LHX9: variants seen among roughly 807,000 people sequenced by gnomAD.
LHX9 encodes the protein LIM homeobox 9.
A neutral mutation model predicts 36.5 loss-of-function variants in LHX9; 9 were observed. That is an observed-to-expected ratio of 0.25 (90% CI 0.15 to 0.43). LHX9 has a LOEUF of 0.43. LHX9 is among the 20% of genes least tolerant of loss of function. The pLI, the probability that LHX9 is intolerant of heterozygous loss-of-function variation, is 1.00. For synonymous variants in LHX9, 211 were observed against 212.1 expected, an observed-to-expected ratio of 0.99 and a Z score of 0.04; for missense variants, 464 against 526.4, an observed-to-expected ratio of 0.88 and a Z score of 1.16.
Position 197,929,061 on chromosome 1 carries a change from G to T in LHX9, c.996G>T (p.Gly332=), listed in dbSNP as rs756773350. 3 of 1,613,586 alleles carry T rather than the reference G, an allele frequency of 1.9e-6. No homozygotes were observed. In the Admixed American group the frequency reaches 5.0e-5, roughly 27 times the overall value. Residue 332 remains glycine, a synonymous_variant, in exon 5 of 5, where the codon GGG becomes GGT. Transcript: ENST00000367387. ...GGAACCTTTTGCGGCAGGAGAATGG[G>T]GGTGTTGATAAAGCTGACGGCACGT... The part of the protein sequence containing the change: ...FRRNLLRQEN[G]GVDKADGTSL...
At chr1:197,916,832 C>T, upstream of LHX9, 1 of 701,024 alleles carries the variant, frequency 1.4e-6, no homozygotes, top group Non-Finnish European at 2.6e-6. Context: ...GAGGAACCAG[C>T]ATTATCTCCA....
rs1453412818 is a variant in LHX9 at position 197,931,222 on chromosome 1, G to A, written c.*1963G>A. ...TTATTTCTGAAACTCTTTTTATGGT[G>A]TATCCTGTTAGAGGGGACAAACATG... On this transcript the variant is annotated 3_prime_UTR_variant, in exon 5 of 5. Coordinates refer to ENST00000367387, the MANE Select transcript of LHX9 (RefSeq NM_020204.3). 1 of 151,910 alleles carries A rather than the reference G, an allele frequency of 6.6e-6. No homozygotes were observed. The highest frequency in any genetic ancestry group is 1.9e-4 in the East Asian group (1 of 5,194). The allele number at this position is 151,910 out of a possible 1,614,324, so 9.4% of individuals were successfully genotyped here.
At position 197,917,632 on chromosome 1, in the gene LHX9, C is replaced by A. The variant is rs930426644; in HGVS notation, c.-192C>A. On this transcript the variant is annotated 5_prime_UTR_variant, in exon 1 of 5. Coordinates refer to ENST00000367387, the MANE Select transcript of LHX9 (RefSeq NM_020204.3). Reference sequence around the variant, plus strand: ...TTCAGGGAGCCGCTGAGGCTTCCCCCCAACTCTTCCCAGTTCTTTTTGCTT... The same window carrying A: ...TTCAGGGAGCCGCTGAGGCTTCCCCACAACTCTTCCCAGTTCTTTTTGCTT... The A allele has an allele frequency of 5.3e-6, 8 of 1,509,654 alleles. No homozygotes were observed. Among genetic ancestry groups the A allele is most frequent in the Non-Finnish European group, 7.1e-6 (8 of 1,131,384 alleles). 93.5% of individuals were successfully genotyped at this position (1,509,654 alleles called of 1,614,324 possible). A position where few individuals can be genotyped will look rare whatever the true frequency, so the allele number is the denominator to read the frequency against.
chr1:197,926,566 A>T (rs1660146349), intron 3 of LHX9, among the ~76,000 whole-genome samples: 1 of 152,188 alleles, frequency 6.6e-6, no homozygotes, highest in Admixed American at 6.5e-5. Flanking sequence ...CCTGGGGATA[A>T]TGACTTTCTG....
chr1:197,920,664 G>T (rs1659954390), intron 2 of LHX9, among the ~76,000 whole-genome samples: 1 of 152,192 alleles, frequency 6.6e-6, no homozygotes. Flanking sequence ...AAGCCACTCA[G>T]TTCCGGGTTC....
Position 197,921,728 on chromosome 1 carries a change from C to T in LHX9, c.733+69C>T. 1.5e-6 allele frequency: 2 copies of T among 1,290,894 alleles called. No homozygotes were observed. Among genetic ancestry groups the T allele is most frequent in the Non-Finnish European group, 2.1e-6 (2 of 952,768 alleles). 80.0% of individuals were successfully genotyped at this position (1,290,894 alleles called of 1,614,324 possible). A position where few individuals can be genotyped will look rare whatever the true frequency, so the allele number is the denominator to read the frequency against. On this transcript the variant is annotated intron_variant, in intron 3 of 4. Transcript: ENST00000367387. The surrounding 1 kb of genome is among the most constrained non-coding windows in gnomAD (Gnocchi z 4.6). ...GAGGAAAATTCGTAGAGCTCCTTCCCCGTCCAAAGTCTTGCTGCAAGAGTG... is the reference window on the plus strand; with the variant it reads ...GAGGAAAATTCGTAGAGCTCCTTCCTCGTCCAAAGTCTTGCTGCAAGAGTG...
rs987070576 is a variant in LHX9, at chr1:197,934,595, T to C, written c.*5336T>C. 1.3e-5 allele frequency: 2 copies of C among 152,174 alleles called. No individual in the cohort carries two copies. Among genetic ancestry groups the C allele is most frequent in the African/African-American group, 4.8e-5 (2 of 41,456 alleles). The allele number at this position is 152,174 out of a possible 1,614,324, so 9.4% of individuals were successfully genotyped here. A position where few individuals can be genotyped will look rare whatever the true frequency, so the allele number is the denominator to read the frequency against. On this transcript the variant is annotated 3_prime_UTR_variant, in exon 5 of 5. Coordinates refer to ENST00000367387, the MANE Select transcript of LHX9 (RefSeq NM_020204.3). ...CAGGGCAAAATAAGCACAGTAGGACTTAGTCCAAATTGACGAAATATCATT... is the reference window on the plus strand; with the variant it reads ...CAGGGCAAAATAAGCACAGTAGGACCTAGTCCAAATTGACGAAATATCATT...
Position 197,917,831 on chromosome 1 carries a change from T to G in LHX9, c.8T>G (p.Ile3Arg). ME[I>R]VGCRAEDNSC... Reference sequence around the variant, plus strand: ...AGCCCCGGGCGTGTGTATATGGAAATAGTGGGGTGCCGAGCAGAAGACAAC... The same window carrying G: ...AGCCCCGGGCGTGTGTATATGGAAAGAGTGGGGTGCCGAGCAGAAGACAAC... The change falls in exon 1 of 5, where the codon ATA becomes AGA. Residue 3 changes from isoleucine to arginine, a missense_variant. By Grantham distance (97) the Ile-to-Arg change is moderately conservative. Transcript: ENST00000367387. 6.2e-7 allele frequency: 1 copy of G among 1,614,032 alleles called. No individual in the cohort carries two copies. Among genetic ancestry groups the G allele is most frequent in the Non-Finnish European group, 8.5e-7 (1 of 1,179,946 alleles).
At chr1:197,915,287 ACTC>A (rs763065060), upstream of LHX9, among the ~76,000 whole-genome samples, 3 of 151,008 alleles carry the variant, frequency 2.0e-5, no homozygotes, top group East Asian at 1.9e-4. Flanking sequence ...CTTCTCAGAG[ACTC>A]CTCCTCCTCC....
Position 197,921,489 on chromosome 1 carries a change from A to T in LHX9, c.563A>T (p.Glu188Val). The T allele has an allele frequency of 6.2e-7, 1 of 1,614,192 alleles. No individual in the cohort carries two copies. The highest frequency in any genetic ancestry group is 1.7e-5 in the Admixed American group (1 of 60,016). Reference sequence around the variant, plus strand: ...CTGGTGTACTGCCGCGCCCACTTCGAGACCCTCTTGCAAGGAGAGTATCCA... The same window carrying T: ...CTGGTGTACTGCCGCGCCCACTTCGTGACCCTCTTGCAAGGAGAGTATCCA... The part of the protein sequence containing the change: ...DSLVYCRAHF[E>V]TLLQGEYPPQ... The change falls in exon 3 of 5, where the codon GAG becomes GTG. Residue 188 changes from glutamate (E) to valine (V), a missense_variant. Physicochemically the swap from Glu to Val is moderately radical, Grantham distance 121 (BLOSUM62 -2). Around this residue, in one of 5 missense-constraint regions of LHX9, gnomAD observed 130 missense variants for 109.6 expected, o/e 1.19. Transcript: ENST00000367387. This position sits in a 1 kb window ranked among gnomAD's most constrained non-coding sequence, Gnocchi z 4.6.
chr1:197,917,802 T>A lies in LHX9; in HGVS notation c.-22T>A. On this transcript the variant is annotated 5_prime_UTR_variant, in exon 1 of 5. The change abolishes the stop of an existing upstream ORF in the 5' untranslated region. Coordinates refer to ENST00000367387, the MANE Select transcript of LHX9 (RefSeq NM_020204.3). ...CCTTGCCTCCTTCACTCGGATGAGC[T>A]GAAAGCCCCGGGCGTGTGTATATGG... The A allele has an allele frequency of 1.2e-6, 2 of 1,614,062 alleles. No homozygotes were observed. Among genetic ancestry groups the A allele is most frequent in the Non-Finnish European group, 8.5e-7 (1 of 1,179,934 alleles).
Position 197,934,375 on chromosome 1 carries a change from G to A in LHX9, c.*5116G>A, listed in dbSNP as rs780073520. ...AGCTCTGGAATGGAAATTTGGAATC[G>A]TGTCATTCTAGGCTCTTAAAGAGAA... On this transcript the variant is annotated 3_prime_UTR_variant, in exon 5 of 5. Coordinates refer to ENST00000367387, the MANE Select transcript of LHX9 (RefSeq NM_020204.3). The A allele has an allele frequency of 6.6e-6, 1 of 152,110 alleles. No individual in the cohort carries two copies. Among genetic ancestry groups the A allele is most frequent in the Non-Finnish European group, 1.5e-5 (1 of 68,024 alleles). The allele number at this position is 152,110 out of a possible 1,614,324, so 9.4% of individuals were successfully genotyped here. A position where few individuals can be genotyped will look rare whatever the true frequency, so the allele number is the denominator to read the frequency against.
intron 1 of LHX9, among the ~76,000 whole-genome samples, chr1:197,919,226 G>C (rs1659888474): frequency 6.6e-6 from 1 of 152,250 alleles, no homozygotes; most frequent in Non-Finnish European, 1.5e-5. Flanking sequence ...AGTCGGGTCA[G>C]TGGGACCCAG....
chr1:197,912,615 T>C (rs1659653120), upstream of LHX9: 3 of 1,552,260 alleles, frequency 1.9e-6, no homozygotes, highest in African/African-American at 2.7e-5. Flanking sequence ...CCAGTGCGTA[T>C]ACCATGTGAG....
chr1:197,919,444 C>T (rs984275151), intron 1 of LHX9, among the ~76,000 whole-genome samples: 2 of 152,228 alleles, frequency 1.3e-5, no homozygotes, highest in African/African-American at 2.4e-5. Context: ...TCAATCAAAA[C>T]AAAGTCGACC....
Position 197,933,773 on chromosome 1 carries a change from A to C in LHX9, c.*4514A>C. 1 of 146,340 alleles carries C rather than the reference A, an allele frequency of 6.8e-6. No individual in the cohort carries two copies. The highest frequency in any genetic ancestry group is 2.2e-4 in the South Asian group (1 of 4,636). 9.1% of individuals were successfully genotyped at this position (146,340 alleles called of 1,614,324 possible). ...AAAAAAAAAAAGAGAGAGAGAGAGA[A>C]AGGAGTACTAATTATGTGAGTGGGA... On this transcript the variant is annotated 3_prime_UTR_variant, in exon 5 of 5. Transcript: ENST00000367387.
chr1:197,932,110 A>G lies in LHX9; in HGVS notation c.*2851A>G, dbSNP rs1355744375. On this transcript the variant is annotated 3_prime_UTR_variant, in exon 5 of 5. Transcript: ENST00000367387. ...AGAGAGAGAGAGAGACTTAAATGTC[A>G]TTTACTGAATGTTAACGAAACTTGT... 2 of 610,054 alleles carry G rather than the reference A, an allele frequency of 3.3e-6. No individual in the cohort carries two copies. Among genetic ancestry groups the G allele is most frequent in the Non-Finnish European group, 5.7e-6 (2 of 352,552 alleles). 37.8% of individuals were successfully genotyped at this position (610,054 alleles called of 1,614,324 possible).
At chr1:197,923,326 C>T (rs1014578765) in intron 3 of LHX9, among the ~76,000 whole-genome samples, 6 of 152,206 alleles carry the variant, frequency 3.9e-5, no homozygotes, top group African/African-American at 1.4e-4. Context: ...TCACACTGGC[C>T]CCTGCTGTGC....
intron 3 of LHX9, among the ~76,000 whole-genome samples, chr1:197,924,165 G>A (rs370445029): frequency 3.3e-5 from 5 of 152,078 alleles, no homozygotes; most frequent in Non-Finnish European, 5.9e-5. Context: ...TTAAACACGC[G>A]TTAAAATGTA....
Sources: allele counts gnomAD v4.1 joint callset (sites outside exome capture counted in the v4.1 genomes callset), GRCh38; gene constraint gnomAD v4.1.1; regional missense constraint gnomAD v4.1.1; non-coding constraint Gnocchi (gnomAD v3.1); transcripts MANE v1.5; gene names NCBI Gene and HGNC (gene_info 2026-07-23, HGNC 2026-07-21).